The following PLXNA4 variants were observed in gnomAD, a reference collection of about 807,000 sequenced individuals.
The protein encoded by PLXNA4 is plexin-A4.
Under a neutral mutation model 191.8 loss-of-function variants are expected in PLXNA4, and 44 were observed. That is an observed-to-expected ratio of 0.23 (90% CI 0.18 to 0.29). The LOEUF is 0.29. Among genes scored for constraint, PLXNA4 ranks in the 10% least tolerant of loss-of-function variants. The pLI, the probability that PLXNA4 is intolerant of heterozygous loss-of-function variation, is 1.00. For missense variants in PLXNA4, 1,800 were observed against 2,488.8 expected (o/e 0.72, Z 5.89); for synonymous variants, 1,082 against 1,009.5 (o/e 1.07, Z -1.36).
At chr7:132,497,810 C>T in intron 2 of PLXNA4, among the ~76,000 whole-genome samples, 1 of 152,140 alleles carries the variant, frequency 6.6e-6, no homozygotes, top group Non-Finnish European at 1.5e-5. Context: ...GCCATGGAAA[C>T]AATGCTGGAG....
In PLXNA4 at chr7:132,148,554, C is replaced by T; in HGVS notation, c.4753G>A (p.Ala1585Thr). Residue 1585 changes from alanine to threonine, a missense_variant, in exon 26 of 32, where the codon GCC becomes ACC. Physicochemically the swap from Ala to Thr is moderately conservative, Grantham distance 58. Transcript: ENST00000321063. Reference sequence around the variant, plus strand: ...CACATTCCCCTCACCTGGTAGTGGGCCAGTGTGTTCAGTCGCTTCCAATCA... The same window carrying T: ...CACATTCCCCTCACCTGGTAGTGGGTCAGTGTGTTCAGTCGCTTCCAATCA... ...ENDWKRLNTL[A>T]HYQVPDGSVV... 1 of 1,614,088 alleles carries T rather than the reference C, an allele frequency of 6.2e-7. No homozygotes were observed. The highest frequency in any genetic ancestry group is 1.1e-5 in the South Asian group (1 of 91,062).
chr7:132,499,095 C>T (rs886173188), intron 2 of PLXNA4, among the ~76,000 whole-genome samples: 2 of 152,244 alleles, frequency 1.3e-5, no homozygotes, highest in African/African-American at 4.8e-5. Context: ...ACACATTCTG[C>T]AGGCCAGGCT....
chr7:132,168,007 T>C (rs1031437518), intron 22 of PLXNA4, among the ~76,000 whole-genome samples: 2 of 152,150 alleles, frequency 1.3e-5, no homozygotes, highest in South Asian at 2.1e-4. Flanking sequence ...TGAGAGGAGA[T>C]TGCAGTAGAC....
At chr7:132,616,507 C>T (rs1044168985) in intron 2 of PLXNA4, among the ~76,000 whole-genome samples, 6 of 152,186 alleles carry the variant, frequency 3.9e-5, no homozygotes, top group African/African-American at 1.2e-4. Context: ...GGCCTCCAAA[C>T]ATTTTTAATT....
chr7:132,159,159 C>G (rs1795876835), intron 25 of PLXNA4, among the ~76,000 whole-genome samples: 1 of 152,142 alleles, frequency 6.6e-6, no homozygotes, highest in Non-Finnish European at 1.5e-5. Flanking sequence ...CCAGATATGA[C>G]TCCTTCATTT....
intron 2 of PLXNA4, among the ~76,000 whole-genome samples, chr7:132,641,137 A>G (rs1182968961): frequency 6.6e-6 from 1 of 152,248 alleles, no homozygotes; most frequent in East Asian, 1.9e-4. Context: ...GTGATACACA[A>G]TTCTTGCACA....
intron 3 of PLXNA4, among the ~76,000 whole-genome samples, chr7:132,428,758 T>C (rs1222803105): frequency 6.6e-6 from 1 of 152,106 alleles, no homozygotes; most frequent in Non-Finnish European, 1.5e-5. Flanking sequence ...CTCCATTCCC[T>C]GTCTGCAATT....
chr7:132,254,205 G>C (rs1313746489), intron 4 of PLXNA4, among the ~76,000 whole-genome samples: 1 of 152,128 alleles, frequency 6.6e-6, no homozygotes, highest in African/African-American at 2.4e-5. Flanking sequence ...GTATGATAGG[G>C]ACCCTCAGCT....
At chr7:132,382,493 C>T (rs560115769) in intron 3 of PLXNA4, among the ~76,000 whole-genome samples, 1 of 152,218 alleles carries the variant, frequency 6.6e-6, no homozygotes, top group East Asian at 1.9e-4. Flanking sequence ...AATATGAGGT[C>T]CCCGTGGCAG....
chr7:132,461,122 C>T (rs1410199515), intron 3 of PLXNA4, among the ~76,000 whole-genome samples: 1 of 152,130 alleles, frequency 6.6e-6, no homozygotes, highest in Non-Finnish European at 1.5e-5. Context: ...CAGGGGTCAG[C>T]AAACTTTTCC....
At position 132,179,934 on chromosome 7, in the gene PLXNA4, A is replaced by G. The variant is rs1302008777; in HGVS notation, c.3640-13T>C. The G allele has an allele frequency of 1.3e-6, 2 of 1,591,880 alleles. No individual in the cohort carries two copies. Among genetic ancestry groups the G allele is most frequent in the Non-Finnish European group, 1.7e-6 (2 of 1,165,986 alleles). ...CACCGACACGGGCCTGGGGGCACAC[A>G]GGGCAAGAGGGAGCTGGGTGTGGGG... On this transcript the variant is annotated splice_polypyrimidine_tract_variant and intron_variant, in intron 19 of 31. Transcript: ENST00000321063.
At chr7:132,530,295 G>A (rs190128786) in intron 1 of PLXNA4, among the ~76,000 whole-genome samples, 2 of 152,098 alleles carry the variant, frequency 1.3e-5, no homozygotes, top group African/African-American at 4.8e-5. Context: ...CAACAAAACT[G>A]TATTTAAAAA....
intron 9 of PLXNA4, 103 bp from the exon 10 acceptor site, chr7:132,211,246 G>A: frequency 7.8e-7 from 1 of 1,279,996 alleles, no homozygotes; most frequent in Non-Finnish European, 1.1e-6. Context: ...CCCTTCCATG[G>A]ACACACCCAC....
At chr7:132,291,545 T>C (rs1272927814) in intron 4 of PLXNA4, among the ~76,000 whole-genome samples, 2 of 152,226 alleles carry the variant, frequency 1.3e-5, no homozygotes, top group Non-Finnish European at 2.9e-5. Context: ...TTGTTGAATA[T>C]TGAATGAATA....
intron 4 of PLXNA4, among the ~76,000 whole-genome samples, chr7:132,267,720 C>T (rs76476802): frequency 0.02 from 3,111 of 152,226 alleles, 101 homozygotes; most frequent in African/African-American, 0.07. Context: ...TACATGTATT[C>T]GGAAAACAAG....
intron 3 of PLXNA4, among the ~76,000 whole-genome samples, chr7:132,368,209 G>T (rs1804273540): frequency 6.6e-6 from 1 of 152,154 alleles, no homozygotes; most frequent in Non-Finnish European, 1.5e-5. Flanking sequence ...TAAGAAGGGA[G>T]AACGAAGGGC....
intron 3 of PLXNA4, among the ~76,000 whole-genome samples, chr7:132,316,057 G>A (rs564894296): frequency 6.6e-6 from 1 of 152,260 alleles, no homozygotes; most frequent in East Asian, 1.9e-4. Flanking sequence ...TTCATAAACT[G>A]GAGATAATAA....
At chr7:132,451,886 A>G (rs558406015) in intron 3 of PLXNA4, among the ~76,000 whole-genome samples, 17 of 152,346 alleles carry the variant, frequency 1.1e-4, no homozygotes, top group African/African-American at 4.1e-4. Flanking sequence ...CCTGACAGCC[A>G]ACGATTCCCA....
At position 132,508,885 on chromosome 7, in the gene PLXNA4, A is replaced by G; in HGVS notation, c.-86-106T>C. On this transcript the variant is annotated intron_variant, in intron 1 of 31. Coordinates refer to ENST00000321063, the MANE Select transcript of PLXNA4 (RefSeq NM_020911.2). The surrounding 1 kb of genome is among the most constrained non-coding windows in gnomAD (Gnocchi z 4.4). ...AAAATGTTCTGCACACACTGAGCAGAACTGCACTGGGGGGTGCTGGAGGCT... is the reference window on the plus strand; with the variant it reads ...AAAATGTTCTGCACACACTGAGCAGGACTGCACTGGGGGGTGCTGGAGGCT... 8.6e-7 allele frequency: 1 copy of G among 1,162,722 alleles called. No homozygotes were observed. Among genetic ancestry groups the G allele is most frequent in the Admixed American group, 3.1e-5 (1 of 32,098 alleles). 72.0% of individuals were successfully genotyped at this position (1,162,722 alleles called of 1,614,324 possible).
Sources: allele counts gnomAD v4.1 joint callset (sites outside exome capture counted in the v4.1 genomes callset), GRCh38; gene constraint gnomAD v4.1.1; non-coding constraint Gnocchi (gnomAD v3.1); transcripts MANE v1.5; gene names NCBI Gene and HGNC (gene_info 2026-07-23, HGNC 2026-07-21).